LINGO2: variants seen among roughly 807,000 people sequenced by gnomAD.
LINGO2 encodes leucine-rich repeat and immunoglobulin-like domain-containing nogo receptor-interacting protein 2.
In LINGO2, 14 loss-of-function variants were observed where a neutral mutation model predicts 30.6. That is an observed-to-expected ratio of 0.46 (90% confidence interval 0.30 to 0.72). LINGO2 has a LOEUF of 0.72. Ranked by LOEUF, LINGO2 falls within the 30% of genes least tolerant of loss-of-function variation. LINGO2 has a pLI of 0.07. For missense variants in LINGO2, 729 were observed against 751.7 expected, an observed-to-expected ratio of 0.97 and a Z score of 0.35; for synonymous variants, 317 against 288.5, an observed-to-expected ratio of 1.10 and a Z score of -1.00.
chr9:28,569,148 T>C (rs564655203), intron 1 of LINGO2, among the ~76,000 whole-genome samples: 1 of 152,120 alleles, frequency 6.6e-6, no homozygotes, highest in South Asian at 2.1e-4. Context: ...AGAGTGTTTA[T>C]GTAAATGTAC....
intron 2 of LINGO2, among the ~76,000 whole-genome samples, chr9:28,468,050 A>C (rs182611576): frequency 6.6e-6 from 1 of 152,196 alleles, no homozygotes; most frequent in African/African-American, 2.4e-5. Context: ...CCTTTTATCC[A>C]TCACAGAAAA....
the LINGO2 span, among the ~76,000 whole-genome samples, chr9:28,697,787 A>C: frequency 1.3e-5 from 2 of 152,062 alleles, no homozygotes; most frequent in Non-Finnish European, 2.9e-5. Context: ...AATCAGCTCA[A>C]AAAACCCCAG....
At chr9:28,279,274 A>T (rs1823237046) in intron 4 of LINGO2, among the ~76,000 whole-genome samples, 1 of 152,246 alleles carries the variant, frequency 6.6e-6, no homozygotes, top group Non-Finnish European at 1.5e-5. Flanking sequence ...AACTTATTTG[A>T]TAAAGCAGTA....
chr9:29,134,748 G>T, the LINGO2 span, among the ~76,000 whole-genome samples: 1 of 151,638 alleles, frequency 6.6e-6, no homozygotes, highest in South Asian at 2.1e-4. Context: ...TATAAAATAT[G>T]GTTTATAACA....
At chr9:29,111,732 T>C in the LINGO2 span, among the ~76,000 whole-genome samples, 1 of 151,430 alleles carries the variant, frequency 6.6e-6, no homozygotes, top group Non-Finnish European at 1.5e-5. Context: ...GACATCTAAT[T>C]AGTGAAGAAG....
the LINGO2 span, among the ~76,000 whole-genome samples, chr9:29,184,150 T>TA: frequency 7.9e-5 from 12 of 152,130 alleles, no homozygotes; most frequent in Non-Finnish European, 1.8e-4. Context: ...TCTGCTGTCA[T>TA]AAAAACTGTT....
chr9:27,948,895 C>T, exon 6 of LINGO2: 2 of 1,613,702 alleles, frequency 1.2e-6, no homozygotes, highest in Non-Finnish European at 8.5e-7. Context: ...GCTACCTCCC[C>T]TTCCACAACA....
At chr9:27,999,085 AC>A (rs1338772633) in intron 5 of LINGO2, among the ~76,000 whole-genome samples, 12 of 151,968 alleles carry the variant, frequency 7.9e-5, no homozygotes, top group Non-Finnish European at 1.3e-4. Flanking sequence ...AGATTTATAG[AC>A]CCTAAACTAA....
the LINGO2 span, among the ~76,000 whole-genome samples, chr9:28,918,120 A>G: frequency 6.6e-6 from 1 of 152,142 alleles, no homozygotes. Context: ...CTGGGAAGAA[A>G]AAAGGCTTAA....
chr9:28,109,690 G>A (rs560694178), intron 4 of LINGO2, among the ~76,000 whole-genome samples: 1 of 152,166 alleles, frequency 6.6e-6, no homozygotes, highest in Non-Finnish European at 1.5e-5. Flanking sequence ...ACTGACAAGG[G>A]ACATGAAGGA....
At chr9:28,620,568 T>C (rs1238604720) in intron 1 of LINGO2, among the ~76,000 whole-genome samples, 26 of 152,056 alleles carry the variant, frequency 1.7e-4, no homozygotes, top group Admixed American at 1.7e-3. Flanking sequence ...ATCAGTGACC[T>C]TTCAAGGCCG....
the LINGO2 span, among the ~76,000 whole-genome samples, chr9:29,071,036 A>G: frequency 6.6e-6 from 1 of 150,896 alleles, no homozygotes; most frequent in Non-Finnish European, 1.5e-5. Context: ...ACAAAAAAAC[A>G]TATGTATATA....
intron 3 of LINGO2, 51 bp from the exon 6 acceptor site, chr9:28,295,417 G>GT (rs1349604854): frequency 1.3e-5 from 2 of 152,548 alleles, no homozygotes; most frequent in African/African-American, 2.4e-5. Context: ...AGTGAACCGT[G>GT]TCCTAGGTCC....
At chr9:28,558,557 A>G (rs1314969270) in intron 1 of LINGO2, among the ~76,000 whole-genome samples, 1 of 152,012 alleles carries the variant, frequency 6.6e-6, no homozygotes, top group African/African-American at 2.4e-5. Flanking sequence ...GAACAGGAAA[A>G]GCAACACAGA....
intron 1 of LINGO2, among the ~76,000 whole-genome samples, chr9:28,562,016 T>A (rs1461012648): frequency 6.6e-6 from 1 of 151,814 alleles, no homozygotes; most frequent in Non-Finnish European, 1.5e-5. Context: ...TTTCTTGATG[T>A]ATCTGCAATA....
At chr9:28,249,906 T>C (rs1042491055) in intron 4 of LINGO2, among the ~76,000 whole-genome samples, 4 of 152,194 alleles carry the variant, frequency 2.6e-5, no homozygotes, top group African/African-American at 9.6e-5. Flanking sequence ...ATTTTTCCTT[T>C]GGTCAAACAA....
In LINGO2 at chr9:28,553,643, G is replaced by C. The variant is rs545628401; in HGVS notation, c.-364-77618C>G. Among the ~76,000 whole-genome samples the C allele has an allele frequency of 1.2e-4, 19 of 152,024 alleles. No homozygotes were observed. The South Asian group carries it at 3.7e-3, about 30-fold the overall frequency. On this transcript the variant is annotated intron_variant, in intron 1 of 5. Coordinates refer to ENST00000379992, the Ensembl canonical transcript of LINGO2. The stretch of plus-strand genomic sequence containing the variant: ...CCAACGTTCAGATTCAGGAAATACA[G>C]AGAACGCCACAAAGATACTCCTCGA...
intron 4 of LINGO2, among the ~76,000 whole-genome samples, chr9:28,112,106 G>A (rs1186455111): frequency 1.1e-5 from 1 of 95,126 alleles, no homozygotes; most frequent in Non-Finnish European, 2.1e-5. Flanking sequence ...TCCCCTTCCT[G>A]TGTCCATGTG....
the LINGO2 span, among the ~76,000 whole-genome samples, chr9:29,020,672 G>T: frequency 6.6e-6 from 1 of 152,094 alleles, no homozygotes; most frequent in African/African-American, 2.4e-5. Flanking sequence ...GAGACACTTT[G>T]GTCATGGACG....
Sources: gnomAD v4.1 joint callset for allele counts (sites outside exome capture counted in the v4.1 genomes callset) on GRCh38, gnomAD v4.1.1 for gene constraint, MANE v1.5 for transcripts, NCBI Gene and HGNC (gene_info 2026-07-23, HGNC 2026-07-21) for gene names.